Variants in GRB10 observed in about 807,000 individuals in gnomAD.
GRB10 encodes the protein growth factor receptor-bound protein 10.
A neutral mutation model predicts 80.9 loss-of-function variants in GRB10; 20 were observed. The ratio of observed to expected loss-of-function variants is 0.25; its 90% CI spans 0.17 to 0.36. The LOEUF (loss-of-function observed/expected upper bound fraction) is 0.36. Ranked by LOEUF, GRB10 falls within the 10% of genes least tolerant of loss-of-function variation. The pLI, the probability that GRB10 is intolerant of heterozygous loss-of-function variation, is 1.00. For missense variants in GRB10, 548 were observed against 747.7 expected (o/e 0.73, Z 3.12); for synonymous variants, 291 against 291.5 (o/e 1.00, Z 0.02).
intron 3 of GRB10, among the ~76,000 whole-genome samples, chr7:50,741,873 C>A (rs2071824350): frequency 1.3e-5 from 2 of 151,836 alleles, no homozygotes. Flanking sequence ...TAATAAAAGA[C>A]AAATCTCTTA....
At chr7:50,739,860 C>CA (rs1452955153) in intron 3 of GRB10, among the ~76,000 whole-genome samples, 1 of 152,168 alleles carries the variant, frequency 6.6e-6, no homozygotes, top group Non-Finnish European at 1.5e-5. Context: ...CTTCACCCCT[C>CA]AGTCCTCATT....
intron 5 of GRB10, among the ~76,000 whole-genome samples, chr7:50,676,790 G>T (rs765483952): frequency 1.5e-5 from 2 of 130,076 alleles, no homozygotes. Flanking sequence ...GGTCACCCCC[G>T]GGGGTAGTGC....
intron 2 of GRB10, among the ~76,000 whole-genome samples, chr7:50,765,141 A>G (rs987703986): frequency 2.0e-5 from 3 of 152,240 alleles, no homozygotes; most frequent in African/African-American, 7.2e-5. Context: ...CACCCCAGTT[A>G]AAATGACTAT....
chr7:50,671,493 ACT>A, intron 6 of GRB10, among the ~76,000 whole-genome samples: 1 of 152,318 alleles, frequency 6.6e-6, no homozygotes, highest in South Asian at 2.1e-4. Context: ...AATTACGAGA[ACT>A]CACATGGCAT....
intron 2 of GRB10, among the ~76,000 whole-genome samples, chr7:50,761,203 G>A (rs1587943715): frequency 1.3e-5 from 2 of 152,152 alleles, no homozygotes; most frequent in East Asian, 1.9e-4. Context: ...ACAGATACCT[G>A]GATGTATGAA....
At chr7:50,717,357 A>G (rs1445942327) in intron 4 of GRB10, among the ~76,000 whole-genome samples, 2 of 152,360 alleles carry the variant, frequency 1.3e-5, no homozygotes, top group East Asian at 1.9e-4. Context: ...GTCAGGGGCA[A>G]CTGGGCTCCA....
chr7:50,719,540 G>A (rs1227780061), intron 4 of GRB10, among the ~76,000 whole-genome samples: 1 of 151,404 alleles, frequency 6.6e-6, no homozygotes, highest in East Asian at 1.9e-4. Flanking sequence ...GGGGGCGAGG[G>A]GAGGGAGAGC....
intron 2 of GRB10, among the ~76,000 whole-genome samples, chr7:50,775,136 GA>G (rs1316754265): frequency 2.0e-5 from 2 of 101,642 alleles, no homozygotes; most frequent in Non-Finnish European, 4.0e-5. Flanking sequence ...ACTCCAGCCT[GA>G]ATGACACAGT....
At chr7:50,686,159 G>A (rs2062079932) in intron 5 of GRB10, among the ~76,000 whole-genome samples, 2 of 152,216 alleles carry the variant, frequency 1.3e-5, no homozygotes, top group South Asian at 4.1e-4. Flanking sequence ...GTATTAGGAG[G>A]TGGGGCCTTT....
chr7:50,758,607 G>C (rs747749769), intron 2 of GRB10, among the ~76,000 whole-genome samples: 10 of 152,054 alleles, frequency 6.6e-5, no homozygotes, highest in Non-Finnish European at 1.5e-4. Context: ...CTTTCATGAC[G>C]AGGGTATTCA....
At chr7:50,705,410 T>G (rs887385360) in intron 4 of GRB10, 2 of 459,508 alleles carry the variant, frequency 4.4e-6, no homozygotes, top group African/African-American at 4.2e-5. Context: ...TCAAAAGAAA[T>G]AGCTTTCTTT....
intron 3 of GRB10, among the ~76,000 whole-genome samples, chr7:50,747,025 T>C (rs4947834): frequency 0.064 from 9,768 of 152,284 alleles, 711 homozygotes; most frequent in Admixed American, 0.18. Flanking sequence ...TCTGCAAGTG[T>C]TGACAAAGCA....
rs115174425 is a variant in GRB10, at chr7:50,739,358, G to A, written c.-46-6990C>T. ...GATGATACTCTTAGGCCCTCACCTCGCAGCTAATTGCAAATTATGTTTATG... is the reference window on the plus strand; with the variant it reads ...GATGATACTCTTAGGCCCTCACCTCACAGCTAATTGCAAATTATGTTTATG... On this transcript the variant is annotated intron_variant, in intron 3 of 18. Coordinates refer to ENST00000401949, the MANE Select transcript of GRB10 (RefSeq NM_001350814.2). Among the ~76,000 whole-genome samples, 850 of 152,224 alleles carry A rather than the reference G, an allele frequency of 5.6e-3. 8 individuals are homozygous for A. The highest frequency in any genetic ancestry group is 0.019 in the African/African-American group (795 of 41,530).
chr7:50,757,920 GT>G (rs1367408138), intron 2 of GRB10, among the ~76,000 whole-genome samples: 1 of 152,174 alleles, frequency 6.6e-6, no homozygotes. Context: ...TGCTTGAAAG[GT>G]TTGCTTTTTC....
rs777553723 is a variant in GRB10, at chr7:50,651,120, C to T, written c.504+18602G>A. 7.8e-4 allele frequency among the ~76,000 whole-genome samples: 119 copies of T among 152,156 alleles called. 1 individual carries two copies. Among genetic ancestry groups the T allele is most frequent in the Non-Finnish European group, 1.4e-3 (94 of 68,038 alleles). On this transcript the variant is annotated intron_variant, in intron 7 of 18. Transcript: ENST00000401949. Reference sequence around the variant, plus strand: ...TCAACTATATATTTTTCTATTCCTCCTACGGTCTGATTTTTTATTAACAGA... The same window carrying T: ...TCAACTATATATTTTTCTATTCCTCTTACGGTCTGATTTTTTATTAACAGA...
At chr7:50,688,582 G>T (rs561964175) in intron 5 of GRB10, among the ~76,000 whole-genome samples, 1 of 152,316 alleles carries the variant, frequency 6.6e-6, no homozygotes, top group African/African-American at 2.4e-5. Flanking sequence ...TGTCTATGCA[G>T]CTGGCCCAGG....
chr7:50,669,020 C>T (rs1052568721), intron 7 of GRB10, among the ~76,000 whole-genome samples: 1 of 152,340 alleles, frequency 6.6e-6, no homozygotes, highest in South Asian at 2.1e-4. Flanking sequence ...GTCAGGACTA[C>T]AAGACAGAAA....
At chr7:50,634,471 C>G (rs1422056828) in intron 7 of GRB10, among the ~76,000 whole-genome samples, 1 of 152,160 alleles carries the variant, frequency 6.6e-6, no homozygotes, top group Non-Finnish European at 1.5e-5. Flanking sequence ...CTGTATAAAG[C>G]AATTACACAA....
At chr7:50,648,934 G>C (rs1387732355) in intron 7 of GRB10, among the ~76,000 whole-genome samples, 1 of 152,166 alleles carries the variant, frequency 6.6e-6, no homozygotes, top group Non-Finnish European at 1.5e-5. Context: ...TGGATGCATT[G>C]GTTAAGGTCA....
Sources: gnomAD v4.1 joint callset for allele counts (sites outside exome capture counted in the v4.1 genomes callset) on GRCh38, gnomAD v4.1.1 for gene constraint, MANE v1.5 for transcripts, NCBI Gene and HGNC (gene_info 2026-07-23, HGNC 2026-07-21) for gene names.